TBC1D22A: variants seen among roughly 807,000 people sequenced by gnomAD.
The protein encoded by TBC1D22A is TBC1 domain family member 22A, also known as putative GTPase activator.
In TBC1D22A, 38 loss-of-function variants were observed where a neutral mutation model predicts 60.2. That is an observed-to-expected ratio of 0.63 (90% CI 0.49 to 0.83). TBC1D22A has a LOEUF of 0.83. Ranked by LOEUF, TBC1D22A falls within the 40% of genes least tolerant of loss-of-function variation. TBC1D22A has a pLI of 0.00. For synonymous variants in TBC1D22A, 302 were observed against 281.7 expected (o/e 1.07, Z -0.72); for missense variants, 628 against 701.0 (o/e 0.90, Z 1.18).
At chr22:47,095,719 G>A (rs2065145509) in intron 11 of TBC1D22A, among the ~76,000 whole-genome samples, 1 of 152,260 alleles carries the variant, frequency 6.6e-6, no homozygotes. Flanking sequence ...CCTGGCCCCT[G>A]AGGAAACTCA....
chr22:46,899,862 C>G (rs2068887834), intron 7 of TBC1D22A, among the ~76,000 whole-genome samples: 1 of 152,106 alleles, frequency 6.6e-6, no homozygotes, highest in Non-Finnish European at 1.5e-5. Context: ...CTGTATGGAT[C>G]AGGGAAAATG....
intron 10 of TBC1D22A, among the ~76,000 whole-genome samples, chr22:47,005,378 A>G (rs2061551358): frequency 6.6e-6 from 1 of 151,390 alleles, no homozygotes; most frequent in African/African-American, 2.4e-5. Context: ...ATGTCTGTAC[A>G]CACATACCCC....
chr22:47,050,799 G>T (rs984977521), intron 11 of TBC1D22A, among the ~76,000 whole-genome samples: 1 of 152,164 alleles, frequency 6.6e-6, no homozygotes, highest in Non-Finnish European at 1.5e-5. Flanking sequence ...TGGAGGTGGG[G>T]GGATGGTGAG....
At chr22:46,912,042 T>G (rs1348207096) in intron 7 of TBC1D22A, 32 bp from the exon 8 acceptor site, 4 of 1,516,024 alleles carry the variant, frequency 2.6e-6, no homozygotes, top group Non-Finnish European at 3.6e-6. Flanking sequence ...ATGTTTACTT[T>G]TTGCTTTACC....
chr22:46,823,952 C>G (rs1487256055), intron 4 of TBC1D22A, among the ~76,000 whole-genome samples: 1 of 152,172 alleles, frequency 6.6e-6, no homozygotes, highest in Non-Finnish European at 1.5e-5. Flanking sequence ...GGCAGCACCA[C>G]CCAGGGCGAC....
chr22:47,030,315 G>A (rs1223658105), intron 10 of TBC1D22A, among the ~76,000 whole-genome samples: 1 of 152,170 alleles, frequency 6.6e-6, no homozygotes, highest in Non-Finnish European at 1.5e-5. Flanking sequence ...AAATCTGAGT[G>A]TCTGGTCCTG....
chr22:46,801,861 C>T (rs372419032), intron 4 of TBC1D22A, among the ~76,000 whole-genome samples: 2 of 152,272 alleles, frequency 1.3e-5, no homozygotes, highest in South Asian at 4.1e-4. Context: ...TGGAGGTCAG[C>T]GGGAGAGGGT....
intron 9 of TBC1D22A, among the ~76,000 whole-genome samples, chr22:46,981,727 G>A (rs1205307586): frequency 6.6e-6 from 1 of 152,166 alleles, no homozygotes; most frequent in East Asian, 1.9e-4. Flanking sequence ...TGAACTGTGA[G>A]TCAGTTAAAC....
chr22:47,043,788 C>T (rs1220617171), intron 11 of TBC1D22A, among the ~76,000 whole-genome samples: 2 of 152,136 alleles, frequency 1.3e-5, no homozygotes, highest in Non-Finnish European at 2.9e-5. Flanking sequence ...GCTCTGAGGG[C>T]AGGGGGGCGC....
chr22:46,804,742 A>T (rs571213601), intron 4 of TBC1D22A, among the ~76,000 whole-genome samples: 1 of 152,350 alleles, frequency 6.6e-6, no homozygotes, highest in Non-Finnish European at 1.5e-5. Context: ...GTTTAATAGG[A>T]AACCTTTCAC....
chr22:47,166,555 C>G (rs73889472), intron 12 of TBC1D22A, among the ~76,000 whole-genome samples: 1 of 152,230 alleles, frequency 6.6e-6, no homozygotes, highest in African/African-American at 2.4e-5. Flanking sequence ...GCGAAGTCTG[C>G]GGTAGCCTGC....
chr22:46,779,824 A>G (rs2083861593), intron 1 of TBC1D22A, among the ~76,000 whole-genome samples: 1 of 152,180 alleles, frequency 6.6e-6, no homozygotes, highest in South Asian at 2.1e-4. Flanking sequence ...CATAGCTGGG[A>G]GCCTTGCAGG....
intron 12 of TBC1D22A, among the ~76,000 whole-genome samples, chr22:47,165,704 G>C (rs5766705): frequency 0.61 from 92,810 of 151,972 alleles, 28,542 homozygotes; most frequent in East Asian, 0.72. Flanking sequence ...AAGACGGAGG[G>C]GTCAAGAGAA....
At chr22:46,917,035 G>T (rs1468112035) in intron 8 of TBC1D22A, among the ~76,000 whole-genome samples, 1 of 152,202 alleles carries the variant, frequency 6.6e-6, no homozygotes. Flanking sequence ...CCAAGCGTGC[G>T]TGCTTGTTCT....
intron 7 of TBC1D22A, among the ~76,000 whole-genome samples, chr22:46,897,906 TAAAAA>T (rs10714103): frequency 6.6e-6 from 1 of 151,032 alleles, no homozygotes; most frequent in Non-Finnish European, 1.5e-5. Context: ...GTAAATCTGT[TAAAAA>T]AAAACTTTAG....
chr22:46,904,858 T>TCACTG (rs2069341268), intron 7 of TBC1D22A, among the ~76,000 whole-genome samples: 1 of 149,698 alleles, frequency 6.7e-6, no homozygotes. Context: ...CACTGCCAGC[T>TCACTG]CCACCTCCCG....
chr22:46,878,783 C>G (rs2147495221), intron 5 of TBC1D22A, 60 bp downstream of exon 5: 1 of 1,551,684 alleles, frequency 6.4e-7, no homozygotes, highest in Middle Eastern at 1.8e-4. Context: ...CTGCAGGCGT[C>G]TGGCCTGAGT....
intron 11 of TBC1D22A, among the ~76,000 whole-genome samples, chr22:47,043,566 C>T (rs1034757890): frequency 1.3e-5 from 2 of 152,170 alleles, no homozygotes; most frequent in Non-Finnish European, 2.9e-5. Flanking sequence ...TACAGGTGCC[C>T]AGGTGTGCTG....
intron 3 of TBC1D22A, among the ~76,000 whole-genome samples, chr22:46,796,047 CCGGGCTGGAGCCCCAGCCCACTGCTTG>C (rs1208071489): frequency 1.3e-5 from 2 of 152,200 alleles, no homozygotes; most frequent in African/African-American, 4.8e-5. Context: ...GCCAGACGCC[CCGGGCTGGAGCCCCAGCCCACTGCTTG>C]GTGTGCGGCT....
Sources: gnomAD v4.1 joint callset for allele counts (sites outside exome capture counted in the v4.1 genomes callset) on GRCh38, gnomAD v4.1.1 for gene constraint, MANE v1.5 for transcripts, NCBI Gene and HGNC (gene_info 2026-07-23, HGNC 2026-07-21) for gene names.